The following ECH1 variants were observed in gnomAD, a reference collection of about 807,000 sequenced individuals.
The protein encoded by ECH1 is delta(3,5)-Delta(2,4)-dienoyl-CoA isomerase, mitochondrial.
ECH1 carries 30 observed loss-of-function variants against 37.0 expected under a neutral mutation model. The ratio of observed to expected loss-of-function variants is 0.81; its 90% CI spans 0.61 to 1.10. ECH1 has a LOEUF of 1.10. Among genes scored for constraint, ECH1 ranks in the 50% least tolerant of loss-of-function variants. The pLI is 0.00. For synonymous variants in ECH1, 178 were observed against 176.0 expected, an observed-to-expected ratio of 1.01 and a Z score of -0.09; for missense variants, 456 against 441.6, an observed-to-expected ratio of 1.03 and a Z score of -0.29.
chr19:38,824,934 C>T (rs1971717049), intron 3 of ECH1, among the ~76,000 whole-genome samples: 1 of 152,180 alleles, frequency 6.6e-6, no homozygotes, highest in Admixed American at 6.5e-5. Context: ...TTTGGTCCCA[C>T]CCGGGTACAT....
At chr19:38,830,898 G>A (rs1971809070) in intron 3 of ECH1, 180 bp downstream of exon 3, 2 of 603,348 alleles carry the variant, frequency 3.3e-6, no homozygotes, top group African/African-American at 1.9e-5. Flanking sequence ...GGAGGTTGCA[G>A]TGAGCTGAGA....
In ECH1 at chr19:38,815,847, T is replaced by A; in HGVS notation, c.882+10A>T. 1 of 1,614,160 alleles carries A rather than the reference T, an allele frequency of 6.2e-7. No individual in the cohort carries two copies. Among genetic ancestry groups the A allele is most frequent in the Non-Finnish European group, 8.5e-7 (1 of 1,180,012 alleles). ...AGGAGGGCTGTGATTGGTCGGAGCG[T>A]GCACCTTACCACGTAGTTGAGGCTC... On this transcript the variant is annotated intron_variant, in intron 9 of 9. Transcript: ENST00000221418.
At chr19:38,819,170 G>T (rs1971626080) in intron 3 of ECH1, 1 of 985,272 alleles carries the variant, frequency 1.0e-6, no homozygotes, top group Non-Finnish European at 1.2e-6. Flanking sequence ...AGTGGAAATA[G>T]GATCCAGATC....
chr19:38,831,775 CCGCCGCCTTCGT>C lies in ECH1; in HGVS notation c.-15_-4del. 6.2e-7 allele frequency: 1 copy of C among 1,613,194 alleles called. No individual in the cohort carries two copies. Among genetic ancestry groups the C allele is most frequent in the Non-Finnish European group, 8.5e-7 (1 of 1,179,776 alleles). ...GAAGCCACTATCCCCGCCGCCATCG[CCGCCGCCTTCGT>C]CTACTGCGTTCGGACGGAGTAACGT... On this transcript the variant is annotated 5_prime_UTR_variant, in exon 1 of 10. Transcript: ENST00000221418.
At chr19:38,829,343 C>T (rs1275502032) in intron 3 of ECH1, among the ~76,000 whole-genome samples, 1 of 150,706 alleles carries the variant, frequency 6.6e-6, no homozygotes, top group Non-Finnish European at 1.5e-5. Flanking sequence ...CATCTGTAAT[C>T]CCAGCTATGC....
chr19:38,827,017 G>A (rs150782333), intron 3 of ECH1, among the ~76,000 whole-genome samples: 1 of 149,024 alleles, frequency 6.7e-6, no homozygotes, highest in African/African-American at 2.5e-5. Context: ...CCTCAGCAAG[G>A]ATGGAGAGGG....
chr19:38,816,100 G>T (rs1372216452), intron 8 of ECH1, 93 bp from the exon 9 acceptor site: 4 of 1,555,400 alleles, frequency 2.6e-6, no homozygotes, highest in East Asian at 2.3e-5. Context: ...ACAGAGGAAG[G>T]CCCAAGACCC....
chr19:38,831,625 C>T (rs769457068), intron 1 of ECH1, 96 bp downstream of exon 1: 30 of 1,573,262 alleles, frequency 1.9e-5, no homozygotes, highest in Non-Finnish European at 2.3e-5. Flanking sequence ...TTAGGGGACT[C>T]GGGCCCTTCG....
At chr19:38,818,988 T>TGG in intron 3 of ECH1, 1 of 320,604 alleles carries the variant, frequency 3.1e-6, no homozygotes, top group African/African-American at 2.4e-5. Flanking sequence ...TGTGTGTGTG[T>TGG]GTGTGTGTGT....
chr19:38,816,506 C>CAA lies in ECH1; in HGVS notation c.604_605dup (p.Leu202PhefsTer6), dbSNP rs769077218. 9 of 1,614,000 alleles carry CAA rather than the reference C, an allele frequency of 5.6e-6. No homozygotes were observed. The highest frequency in any genetic ancestry group is 1.6e-4 in the Middle Eastern group (1 of 6,082). On this transcript the variant is annotated frameshift_variant, in exon 7 of 10. Coordinates refer to ENST00000221418, the MANE Select transcript of ECH1 (RefSeq NM_001398.3). LOFTEE classifies it high-confidence loss of function. Reference sequence around the variant, plus strand: ...GCTGCAGTGTTCCTACATCGGCAGCCAAACCCACGTCCACCTCCTGGGGGA... The same window carrying CAA: ...GCTGCAGTGTTCCTACATCGGCAGCCAAAAACCCACGTCCACCTCCTGGGGGA...
rs1387407986 is a variant in ECH1, at chr19:38,831,318, A to C, written c.251T>G (p.Val84Gly). The C allele has an allele frequency of 1.2e-6, 2 of 1,610,996 alleles. No homozygotes were observed. ...RPNKRNAMNK[V>G]FWREMVECFN... ...GATCTGCAGGTCAGACCTCCAGAAG[A>C]CCTTGTTCATGGCATTCCTCTTGTT... is the stretch of plus-strand genomic sequence containing the variant. Residue 84 changes from valine to glycine, a missense_variant, in exon 2 of 10, where the codon GTC becomes GGC. Val to Gly is a moderately radical substitution (Grantham distance 109). Transcript: ENST00000221418.
chr19:38,827,043 G>GGGAGAAGGA (rs1237605197), intron 3 of ECH1, among the ~76,000 whole-genome samples: 1 of 147,898 alleles, frequency 6.8e-6, no homozygotes, highest in Non-Finnish European at 1.5e-5. Flanking sequence ...AGGGAGGAGA[G>GGGAGAAGGA]GGAGAAGGAG....
Position 38,831,752 on chromosome 19 carries a change from A to AGCCACTATCCCC in ECH1, c.9_20dup (p.Gly4_Ala7dup), listed in dbSNP as rs1568362826. The AGCCACTATCCCC allele has an allele frequency of 6.2e-7, 1 of 1,613,266 alleles. No individual in the cohort carries two copies. Among genetic ancestry groups the AGCCACTATCCCC allele is most frequent in the South Asian group, 1.1e-5 (1 of 90,988 alleles). On this transcript the variant is annotated inframe_insertion, in exon 1 of 10. Transcript: ENST00000221418. ...TCAGTAGGTCGCGGAGTCTGCGAGA[A>AGCCACTATCCCC]GCCACTATCCCCGCCGCCATCGCCG...
At chr19:38,828,261 C>T (rs1376172687) in intron 3 of ECH1, among the ~76,000 whole-genome samples, 3 of 152,124 alleles carry the variant, frequency 2.0e-5, no homozygotes, top group East Asian at 3.9e-4. Context: ...GACAGAGTCT[C>T]GCTCTTGTCA....
At chr19:38,815,773 G>T in intron 9 of ECH1, 56 bp from the exon 10 acceptor site, 1 of 1,613,680 alleles carries the variant, frequency 6.2e-7, no homozygotes, top group South Asian at 1.1e-5. Flanking sequence ...GGGCCAATCA[G>T]GATAAAGCAT....
At chr19:38,820,117 G>A (rs1568357960) in intron 3 of ECH1, 1 of 371,962 alleles carries the variant, frequency 2.7e-6, no homozygotes, top group Non-Finnish European at 3.5e-6. Context: ...CTGGCGTGTA[G>A]TGGCGCGATC....
At position 38,817,593 on chromosome 19, in the gene ECH1, T is replaced by A; in HGVS notation, c.350-18A>T. On this transcript the variant is annotated intron_variant, in intron 3 of 9. Coordinates refer to ENST00000221418, the MANE Select transcript of ECH1 (RefSeq NM_001398.3). ...GTCAATACCTGGTGAGAAGGCATGA[T>A]GGAGCTCATCCAGGCTCCCAGGCCC... The A allele has an allele frequency of 6.3e-7, 1 of 1,579,084 alleles. No homozygotes were observed. Among genetic ancestry groups the A allele is most frequent in the East Asian group, 2.3e-5 (1 of 43,978 alleles).
intron 3 of ECH1, chr19:38,819,162 T>C (rs55974663): frequency 2.0e-6 from 2 of 985,112 alleles, no homozygotes; most frequent in South Asian, 4.7e-5. Context: ...AAAAGACAAG[T>C]GGAAATAGGA....
intron 3 of ECH1, among the ~76,000 whole-genome samples, chr19:38,818,901 CTGTGTGTGTGTG>C (rs761871749): frequency 7.5e-6 from 1 of 133,598 alleles, no homozygotes; most frequent in East Asian, 2.6e-4. Context: ...GCCTCCAACT[CTGTGTGTGTGTG>C]TGTGTGTGTG....
Sources: gnomAD v4.1 joint callset for allele counts (sites outside exome capture counted in the v4.1 genomes callset) on GRCh38, gnomAD v4.1.1 for gene constraint, MANE v1.5 for transcripts, NCBI Gene and HGNC (gene_info 2026-07-23, HGNC 2026-07-21) for gene names.